ADA2: variants seen among roughly 807,000 people sequenced by gnomAD.
The protein encoded by ADA2 is adenosine deaminase CECR1.
ADA2 carries 29 observed loss-of-function variants against 44.2 expected under a neutral mutation model. That is an observed-to-expected ratio of 0.66 (90% CI 0.49 to 0.89). The LOEUF (loss-of-function observed/expected upper bound fraction) is 0.89, where lower values mean the gene tolerates loss of function less well. Ranked by LOEUF, ADA2 falls within the 40% of genes least tolerant of loss-of-function variation. The pLI is 0.00. For missense variants in ADA2, 637 were observed against 644.8 expected (o/e 0.99, Z 0.13); for synonymous variants, 215 against 234.9 (o/e 0.92, Z 0.77).
chr22:17,199,442 C>CCCCTCCCACCCCTCCTCTATACTCTTA, intron 4 of ADA2: 1 of 1,022,720 alleles, frequency 9.8e-7, no homozygotes, highest in Non-Finnish European at 1.5e-6. Flanking sequence ...CTATCCTCTT[C>CCCCTCCCACCCCTCCTCTATACTCTTA]CCCTCCACCC....
intron 2 of ADA2, among the ~76,000 whole-genome samples, chr22:17,208,802 CA>C (rs1294967260): frequency 2.0e-5 from 3 of 149,928 alleles, no homozygotes; most frequent in Non-Finnish European, 1.5e-5. Flanking sequence ...GACTCTGTCT[CA>C]AAAAAAATTT....
At chr22:17,219,061 G>A (rs2062500223) in intron 1 of ADA2, among the ~76,000 whole-genome samples, 1 of 152,210 alleles carries the variant, frequency 6.6e-6, no homozygotes, top group Non-Finnish European at 1.5e-5. Context: ...GGAGGCTGAG[G>A]CACAAGAATG....
intron 4 of ADA2, chr22:17,199,414 T>TTTC: frequency 1.1e-6 from 1 of 895,018 alleles, no homozygotes; most frequent in Non-Finnish European, 1.9e-6. Context: ...TGTCTCAGCG[T>TTTC]CTCCTCCCTC....
intron 1 of ADA2, among the ~76,000 whole-genome samples, chr22:17,216,052 T>C (rs5748950): frequency 0.51 from 76,893 of 151,692 alleles, 21,055 homozygotes; most frequent in East Asian, 0.81. Flanking sequence ...TCAGGCGTGG[T>C]GGCGTGCACC....
In ADA2 at chr22:17,182,652, G is replaced by A. The variant is rs1366729177; in HGVS notation, c.1191C>T (p.Tyr397=). 1.2e-6 allele frequency: 2 copies of A among 1,614,170 alleles called. No homozygotes were observed. Among genetic ancestry groups the A allele is most frequent in the Non-Finnish European group, 1.7e-6 (2 of 1,180,020 alleles). The change falls in exon 8 of 10, where the codon TAC becomes TAT. Residue 397 remains tyrosine (Y), a synonymous_variant. Transcript: ENST00000399837. ...ALSKHPAVRT[Y]SWKKDIPIEV... ...CTATGGGGATGTCCTTTTTCCAGGA[G>A]TAAGTCCTGACTGCGGGGTGTTTGC...
intron 4 of ADA2, among the ~76,000 whole-genome samples, chr22:17,197,471 A>C (rs901921031): frequency 1.1e-4 from 17 of 151,998 alleles, no homozygotes; most frequent in African/African-American, 3.9e-4. Flanking sequence ...GGGTTTTGCC[A>C]TGTTGCCTAG....
At chr22:17,187,345 G>T (rs1262983960) in intron 7 of ADA2, among the ~76,000 whole-genome samples, 1 of 151,838 alleles carries the variant, frequency 6.6e-6, no homozygotes, top group Non-Finnish European at 1.5e-5. Context: ...TTGAGACAGG[G>T]TCTAGCTCTG....
rs2062095018 is a variant in ADA2, at chr22:17,189,999, G to A, written c.915C>T (p.Ile305=). 1 of 1,614,008 alleles carries A rather than the reference G, an allele frequency of 6.2e-7. No individual in the cohort carries two copies. Among genetic ancestry groups the A allele is most frequent in the East Asian group, 2.2e-5 (1 of 44,878 alleles). The change falls in exon 6 of 10, where the codon ATC becomes ATT. Residue 305 remains isoleucine (I), a synonymous_variant. Coordinates refer to ENST00000399837, the MANE Select transcript of ADA2 (RefSeq NM_001282225.2). ...TGATTCGGAGCCCCATGGCCATTCGGATGGATTCTGCGATGACAGCCACAT... is the reference window on the plus strand; with the variant it reads ...TGATTCGGAGCCCCATGGCCATTCGAATGGATTCTGCGATGACAGCCACAT... ...SKDVAVIAES[I]RMAMGLRIKF... is the part of the protein sequence containing the mutation.
At chr22:17,216,595 T>C (rs1248045597) in intron 1 of ADA2, among the ~76,000 whole-genome samples, 1 of 151,728 alleles carries the variant, frequency 6.6e-6, no homozygotes, top group African/African-American at 2.4e-5. Flanking sequence ...CAAAACCCTG[T>C]CTCTACTAAA....
At chr22:17,185,693 TGATCTAAATTG>T (rs1305610627) in intron 7 of ADA2, among the ~76,000 whole-genome samples, 1 of 152,192 alleles carries the variant, frequency 6.6e-6, no homozygotes, top group Non-Finnish European at 1.5e-5. Context: ...GAGCAGACTT[TGATCTAAATTG>T]GATCTAAATT....
intron 7 of ADA2, among the ~76,000 whole-genome samples, chr22:17,185,751 G>A (rs2062028705): frequency 6.6e-6 from 1 of 152,112 alleles, no homozygotes. Flanking sequence ...TAATGCACAA[G>A]GTCCCTTTCT....
At chr22:17,212,781 CT>C (rs540283421) in intron 1 of ADA2, among the ~76,000 whole-genome samples, 149 of 141,894 alleles carry the variant, frequency 1.1e-3, no homozygotes, top group Middle Eastern at 3.9e-3. Flanking sequence ...TTCTTTCTTT[CT>C]TTTTTTTTTT....
chr22:17,194,747 T>C (rs2062168967), intron 4 of ADA2, among the ~76,000 whole-genome samples: 1 of 151,910 alleles, frequency 6.6e-6, no homozygotes, highest in South Asian at 2.1e-4. Context: ...CCTTAGGTAC[T>C]GTTCATTCAG....
At chr22:17,183,407 G>A (rs888009608) in intron 7 of ADA2, among the ~76,000 whole-genome samples, 6 of 147,506 alleles carry the variant, frequency 4.1e-5, no homozygotes, top group African/African-American at 7.5e-5. Flanking sequence ...TTAAACCTTC[G>A]TCTCTCTGAC....
chr22:17,210,158 G>A (rs1390033196), intron 1 of ADA2, among the ~76,000 whole-genome samples: 1 of 151,484 alleles, frequency 6.6e-6, no homozygotes, highest in African/African-American at 2.4e-5. Context: ...CCAAAGTGCT[G>A]GGATTACAGG....
chr22:17,181,651 T>C lies in ADA2; in HGVS notation c.1443-75A>G, dbSNP rs1601420133. On this transcript the variant is annotated intron_variant, in intron 9 of 9. Coordinates refer to ENST00000399837, the MANE Select transcript of ADA2 (RefSeq NM_001282225.2). ...ACGGGGCAGGGAGCCTGAGAGGACATTAGAGCCTTGCAGAGCACTCTCCCC... is the reference window on the plus strand; with the variant it reads ...ACGGGGCAGGGAGCCTGAGAGGACACTAGAGCCTTGCAGAGCACTCTCCCC... 4 of 1,175,334 alleles carry C rather than the reference T, an allele frequency of 3.4e-6. No homozygotes were observed. The South Asian group carries it at 3.7e-5, about 11-fold the overall frequency. The allele number at this position is 1,175,334 out of a possible 1,614,324, so 72.8% of individuals were successfully genotyped here. A position where few individuals can be genotyped will look rare whatever the true frequency, so the allele number is the denominator to read the frequency against.
intron 2 of ADA2, among the ~76,000 whole-genome samples, chr22:17,208,913 C>T (rs1469550714): frequency 6.6e-6 from 1 of 151,900 alleles, no homozygotes; most frequent in African/African-American, 2.4e-5. Context: ...CCTGCAAACT[C>T]CACCTCCTGG....
chr22:17,200,710 T>G (rs1325650743), intron 4 of ADA2, among the ~76,000 whole-genome samples: 1 of 151,056 alleles, frequency 6.6e-6, no homozygotes, highest in Non-Finnish European at 1.5e-5. Flanking sequence ...GGTAAAACCC[T>G]GTCTCTACTA....
intron 1 of ADA2, among the ~76,000 whole-genome samples, chr22:17,210,374 G>A (rs2062406249): frequency 6.6e-6 from 1 of 151,698 alleles, no homozygotes; most frequent in African/African-American, 2.4e-5. Context: ...ATTTTTAGTA[G>A]AGACGGGGTT....
Sources: gnomAD v4.1 joint callset for allele counts (sites outside exome capture counted in the v4.1 genomes callset) on GRCh38, gnomAD v4.1.1 for gene constraint, MANE v1.5 for transcripts, NCBI Gene and HGNC (gene_info 2026-07-23, HGNC 2026-07-21) for gene names.